Variants in ADAMTS6 observed in about 807,000 individuals in gnomAD.
The protein encoded by ADAMTS6 is A disintegrin and metalloproteinase with thrombospondin motifs 6.
A neutral mutation model predicts 144.3 loss-of-function variants in ADAMTS6; 23 were observed. The ratio of observed to expected loss-of-function variants is 0.16; its 90% CI spans 0.11 to 0.23. ADAMTS6 has a LOEUF of 0.23. Ranked by LOEUF, ADAMTS6 falls within the 10% of genes least tolerant of loss-of-function variation. The pLI is 1.00. For missense variants in ADAMTS6, 999 were observed against 1,379.6 expected, an observed-to-expected ratio of 0.72 and a Z score of 4.37; for synonymous variants, 444 against 457.5, an observed-to-expected ratio of 0.97 and a Z score of 0.38.
chr5:65,289,484 C>A (rs1459534016), intron 11 of ADAMTS6, among the ~76,000 whole-genome samples: 2 of 152,142 alleles, frequency 1.3e-5, no homozygotes, highest in Non-Finnish European at 2.9e-5. Flanking sequence ...CAAAACTGTG[C>A]CACTGCACTC....
intron 20 of ADAMTS6, among the ~76,000 whole-genome samples, chr5:65,206,819 T>TC (rs1409528857): frequency 2.8e-4 from 35 of 124,492 alleles, no homozygotes; most frequent in African/African-American, 9.0e-4. Flanking sequence ...GCTGTTTTTT[T>TC]TCTCTCTCTC....
chr5:65,461,728 T>C (rs1327497487), intron 3 of ADAMTS6, among the ~76,000 whole-genome samples: 1 of 152,194 alleles, frequency 6.6e-6, no homozygotes, highest in African/African-American at 2.4e-5. Flanking sequence ...GAGACCTACA[T>C]GGCTTGGATT....
chr5:65,314,400 A>T (rs1230783581), intron 9 of ADAMTS6, among the ~76,000 whole-genome samples: 1 of 152,054 alleles, frequency 6.6e-6, no homozygotes, highest in Non-Finnish European at 1.5e-5. Flanking sequence ...TTGAGACAAT[A>T]TCTGAAGGTG....
chr5:65,472,772 ATAAT>A (rs780571825), intron 2 of ADAMTS6, among the ~76,000 whole-genome samples: 15 of 152,188 alleles, frequency 9.9e-5, no homozygotes, highest in Admixed American at 2.0e-4. Flanking sequence ...CTTCTTATAA[ATAAT>A]TAGAGTTCAT....
At chr5:65,376,462 A>C (rs1205029833) in intron 7 of ADAMTS6, among the ~76,000 whole-genome samples, 1 of 151,748 alleles carries the variant, frequency 6.6e-6, no homozygotes. Context: ...AAAAAAAAGG[A>C]AGGAAAGAAA....
intron 7 of ADAMTS6, among the ~76,000 whole-genome samples, chr5:65,411,655 G>A (rs951120314): frequency 2.6e-5 from 4 of 152,136 alleles, no homozygotes; most frequent in Admixed American, 2.6e-4. Flanking sequence ...GTTAAAACAT[G>A]CTGCATCTTC....
intron 12 of ADAMTS6, 57 bp downstream of exon 12, chr5:65,273,283 C>T: frequency 1.4e-6 from 2 of 1,440,382 alleles, no homozygotes; most frequent in Admixed American, 1.7e-5. Context: ...AATATCAGTA[C>T]CAGCAATTTA....
In ADAMTS6 at chr5:65,214,848, C is replaced by T. The variant is rs1756796508; in HGVS notation, c.2521G>A (p.Gly841Ser). Residue 841 changes from glycine to serine, a missense_variant, in exon 20 of 25, where the codon GGC becomes AGC. By Grantham distance (56) the Gly-to-Ser change is moderately conservative. Coordinates refer to ENST00000381055, the MANE Select transcript of ADAMTS6 (RefSeq NM_197941.4). This position sits in a 1 kb window ranked among gnomAD's most constrained non-coding sequence, Gnocchi z 4.6. ...TRTGSGDNEV[G>S]FTWNHQPWSE... ...CAAGGCTGATGATTCCATGTAAAGC[C>T]AACTTCATTATCTCCACTGCCAGTT... The T allele has an allele frequency of 6.2e-7, 1 of 1,614,104 alleles. No homozygotes were observed. Among genetic ancestry groups the T allele is most frequent in the East Asian group, 2.2e-5 (1 of 44,880 alleles).
chr5:65,470,002 C>T (rs534807656), intron 3 of ADAMTS6, among the ~76,000 whole-genome samples: 1 of 152,312 alleles, frequency 6.6e-6, no homozygotes, highest in East Asian at 1.9e-4. Context: ...CAACTTTGAA[C>T]TGTGTATTTA....
At chr5:65,471,698 C>T (rs1760458231) in intron 2 of ADAMTS6, among the ~76,000 whole-genome samples, 1 of 151,484 alleles carries the variant, frequency 6.6e-6, no homozygotes, top group Admixed American at 6.6e-5. Context: ...GTGGTGGTTG[C>T]AGTGAGCCGA....
At chr5:65,192,044 T>G (rs1224018862) in intron 21 of ADAMTS6, among the ~76,000 whole-genome samples, 1 of 152,110 alleles carries the variant, frequency 6.6e-6, no homozygotes, top group Non-Finnish European at 1.5e-5. Context: ...TGGAGTTTTA[T>G]AGATGACTCT....
At chr5:65,262,121 T>C (rs1157107115) in intron 13 of ADAMTS6, among the ~76,000 whole-genome samples, 1 of 152,094 alleles carries the variant, frequency 6.6e-6, no homozygotes, top group East Asian at 1.9e-4. Flanking sequence ...CGTTCACCTG[T>C]AATGGGCATG....
At chr5:65,473,540 C>G in intron 2 of ADAMTS6, 37 bp downstream of exon 2, 1 of 1,517,792 alleles carries the variant, frequency 6.6e-7, no homozygotes, top group Non-Finnish European at 9.1e-7. Context: ...CAATTAATAG[C>G]AATATTTTTT....
At chr5:65,288,214 G>A (rs945675500) in intron 11 of ADAMTS6, among the ~76,000 whole-genome samples, 1 of 151,890 alleles carries the variant, frequency 6.6e-6, no homozygotes, top group Non-Finnish European at 1.5e-5. Flanking sequence ...ACCCAGCAAT[G>A]ACTACTTTAT....
chr5:65,401,754 T>A (rs1753934466), intron 7 of ADAMTS6, among the ~76,000 whole-genome samples: 1 of 152,198 alleles, frequency 6.6e-6, no homozygotes, highest in South Asian at 2.1e-4. Context: ...TCACTTCTCT[T>A]ATAGATGTAA....
chr5:65,188,253 C>T (rs746121913), intron 21 of ADAMTS6, 33 bp from the exon 22 acceptor site: 1 of 1,607,164 alleles, frequency 6.2e-7, no homozygotes, highest in Non-Finnish European at 8.5e-7. Flanking sequence ...CACAGAAAAG[C>T]ATTTCCTCAG....
chr5:65,275,097 T>C (rs1238841568), intron 11 of ADAMTS6, among the ~76,000 whole-genome samples: 2 of 150,952 alleles, frequency 1.3e-5, no homozygotes, highest in Non-Finnish European at 2.9e-5. Flanking sequence ...GGCTGATGCC[T>C]GTAATCCCAC....
At chr5:65,398,555 T>C (rs946333423) in intron 7 of ADAMTS6, among the ~76,000 whole-genome samples, 1 of 151,714 alleles carries the variant, frequency 6.6e-6, no homozygotes, top group Non-Finnish European at 1.5e-5. Flanking sequence ...CAAAACCTTA[T>C]CTCTACTAAA....
intron 7 of ADAMTS6, among the ~76,000 whole-genome samples, chr5:65,419,473 T>A (rs1755829853): frequency 6.6e-6 from 1 of 152,160 alleles, no homozygotes; most frequent in Non-Finnish European, 1.5e-5. Flanking sequence ...GGTGACAGAA[T>A]CATTTGTACC....
Sources: gnomAD v4.1 joint callset for allele counts (sites outside exome capture counted in the v4.1 genomes callset) on GRCh38, gnomAD v4.1.1 for gene constraint, Gnocchi (gnomAD v3.1) non-coding constraint, MANE v1.5 for transcripts, NCBI Gene and HGNC (gene_info 2026-07-23, HGNC 2026-07-21) for gene names.